COL21A1: variants seen among roughly 807,000 people sequenced by gnomAD.
COL21A1 encodes collagen type XXI alpha 1 chain, also known as collagen alpha-1(XXI) chain.
In COL21A1, 149 loss-of-function variants were observed where a neutral mutation model predicts 137.9. The observed-to-expected ratio is 1.08, with a 90% CI of 0.95 to 1.24. The LOEUF (loss-of-function observed/expected upper bound fraction) is 1.24, where lower values mean the gene tolerates loss of function less well. Among genes scored for constraint, COL21A1 ranks in the 50% most tolerant of loss-of-function variants. The probability of loss-of-function intolerance (pLI) is 0.00; values close to 1 mark genes in which losing one functional copy is unlikely to be tolerated. For synonymous variants in COL21A1, 456 were observed against 391.5 expected (o/e 1.16, Z -1.95); for missense variants, 1,167 against 1,158.4 (o/e 1.01, Z -0.11).
chr6:56,205,659 G>A (rs1162384135), intron 1 of COL21A1, among the ~76,000 whole-genome samples: 1 of 152,120 alleles, frequency 6.6e-6, no homozygotes, highest in African/African-American at 2.4e-5. Flanking sequence ...TCCTTGAGAA[G>A]AGAAACCCCA....
chr6:56,145,832 C>T (rs1467944878), intron 10 of COL21A1, among the ~76,000 whole-genome samples: 1 of 151,248 alleles, frequency 6.6e-6, no homozygotes, highest in Non-Finnish European at 1.5e-5. Context: ...TCCATGTTCA[C>T]AGAAAACTTC....
intron 1 of COL21A1, among the ~76,000 whole-genome samples, chr6:56,244,769 C>T (rs1028382393): frequency 1.3e-5 from 2 of 152,124 alleles, no homozygotes; most frequent in African/African-American, 4.8e-5. Context: ...ATACACTATT[C>T]AACTTATCGC....
intron 1 of COL21A1, among the ~76,000 whole-genome samples, chr6:56,359,303 C>A (rs1765911098): frequency 6.6e-6 from 1 of 152,156 alleles, no homozygotes; most frequent in African/African-American, 2.4e-5. Context: ...TCACTGGGCC[C>A]CGTGGGCTCT....
At chr6:56,066,570 G>A (rs1766268547) in intron 23 of COL21A1, among the ~76,000 whole-genome samples, 2 of 151,872 alleles carry the variant, frequency 1.3e-5, no homozygotes, top group African/African-American at 4.8e-5. Context: ...GGTTGGAAAA[G>A]TTTTATATTT....
At chr6:56,325,935 A>T (rs1247668356) in intron 1 of COL21A1, among the ~76,000 whole-genome samples, 1 of 26,946 alleles carries the variant, frequency 3.7e-5, no homozygotes, top group East Asian at 6.7e-4. Flanking sequence ...TATATATAAT[A>T]TATATTATAT....
At chr6:56,175,847 A>T (rs886669949) in intron 3 of COL21A1, among the ~76,000 whole-genome samples, 1 of 152,178 alleles carries the variant, frequency 6.6e-6, no homozygotes, top group Non-Finnish European at 1.5e-5. Context: ...ACAAAAACTA[A>T]GCTGGAGGCC....
intron 1 of COL21A1, among the ~76,000 whole-genome samples, chr6:56,294,496 A>G (rs1414757895): frequency 6.6e-6 from 1 of 152,076 alleles, no homozygotes; most frequent in Non-Finnish European, 1.5e-5. Context: ...CTTTGCCCAT[A>G]TACACACATA....
At chr6:56,109,144 T>C (rs951058282) in intron 16 of COL21A1, among the ~76,000 whole-genome samples, 4 of 151,474 alleles carry the variant, frequency 2.6e-5, no homozygotes, top group African/African-American at 4.8e-5. Context: ...ATGAATTCAA[T>C]TCTCAATTGC....
At chr6:56,374,720 C>CAAAAAAAAA in intron 1 of COL21A1, among the ~76,000 whole-genome samples, 1 of 86,396 alleles carries the variant, frequency 1.2e-5, no homozygotes, top group Non-Finnish European at 2.3e-5. Flanking sequence ...GACTTCGTCT[C>CAAAAAAAAA]AAAAAAAAAA....
intron 12 of COL21A1, 27 bp downstream of exon 12, chr6:56,141,758 A>G: frequency 6.2e-7 from 1 of 1,610,902 alleles, no homozygotes; most frequent in Non-Finnish European, 8.5e-7. Context: ...GACTAACACC[A>G]TTGATTGCAT....
In COL21A1 at chr6:56,097,945, A is replaced by G. The variant is rs189407932; in HGVS notation, c.1812+3527T>C. Reference sequence around the variant, plus strand: ...AATATATAAATATATAAAAATATATATAAATATAAAAATATATATAAATAT... The same window carrying G: ...AATATATAAATATATAAAAATATATGTAAATATAAAAATATATATAAATAT... On this transcript the variant is annotated intron_variant, in intron 17 of 29. Transcript: ENST00000244728. Among the ~76,000 whole-genome samples, 494 of 92,370 alleles carry G rather than the reference A, an allele frequency of 5.3e-3. 39 individuals are homozygous for G. The highest frequency in any genetic ancestry group is 0.014 in the Middle Eastern group (2 of 138). The allele number at this position is 92,370 out of a possible 152,430, so 60.6% of individuals were successfully genotyped here. A position where few individuals can be genotyped will look rare whatever the true frequency, so the allele number is the denominator to read the frequency against.
intron 16 of COL21A1, among the ~76,000 whole-genome samples, chr6:56,123,747 C>T (rs1234144403): frequency 6.6e-6 from 1 of 152,216 alleles, no homozygotes; most frequent in Non-Finnish European, 1.5e-5. Flanking sequence ...TCCCAGCCCA[C>T]TGAAACCTCA....
intron 17 of COL21A1, among the ~76,000 whole-genome samples, chr6:56,085,643 T>A (rs1768172903): frequency 6.6e-6 from 1 of 151,994 alleles, no homozygotes; most frequent in Non-Finnish European, 1.5e-5. Context: ...TTGATCTACT[T>A]GTTTCAAAGT....
At chr6:56,210,462 C>A (rs62411867) in intron 1 of COL21A1, among the ~76,000 whole-genome samples, 2,093 of 152,024 alleles carry the variant, frequency 0.014, 24 homozygotes, top group Middle Eastern at 0.034. Flanking sequence ...TAACAGTATT[C>A]AAAATTCATG....
intron 25 of COL21A1, chr6:56,061,292 G>C (rs373137800): frequency 6.1e-6 from 3 of 495,574 alleles, no homozygotes; most frequent in Admixed American, 3.8e-5. Context: ...TAGGTAATAC[G>C]CATACTGCCA....
intron 5 of COL21A1, among the ~76,000 whole-genome samples, chr6:56,169,015 T>C (rs1375932559): frequency 1.3e-5 from 2 of 152,012 alleles, no homozygotes; most frequent in Admixed American, 1.3e-4. Context: ...CCCCAGAGTT[T>C]TCTTCTTGAC....
At chr6:56,116,956 A>T (rs1771990833) in intron 16 of COL21A1, among the ~76,000 whole-genome samples, 1 of 152,064 alleles carries the variant, frequency 6.6e-6, no homozygotes, top group Admixed American at 6.6e-5. Flanking sequence ...ATACACAAAA[A>T]ATAAAAAGCA....
At chr6:56,188,777 G>A (rs921763132) in intron 1 of COL21A1, among the ~76,000 whole-genome samples, 2 of 152,190 alleles carry the variant, frequency 1.3e-5, no homozygotes, top group Non-Finnish European at 2.9e-5. Context: ...TCCCTGGAAA[G>A]GGGAAAGAAC....
rs560645408 is a variant in COL21A1 at position 56,229,760 on chromosome 6, A to T, written c.-39+17627T>A. On this transcript the variant is annotated intron_variant, in intron 1 of 29. Transcript: ENST00000244728. ...CAGAAATATATGTTAATTTCCACTCAGCTCGTTGGCCATGAGTATCATGGG... is the reference window on the plus strand; with the variant it reads ...CAGAAATATATGTTAATTTCCACTCTGCTCGTTGGCCATGAGTATCATGGG... 1.2e-4 allele frequency among the ~76,000 whole-genome samples: 18 copies of T among 152,014 alleles called. No homozygotes were observed. The South Asian group carries it at 3.5e-3, about 30-fold the overall frequency.
Sources: allele counts gnomAD v4.1 joint callset (sites outside exome capture counted in the v4.1 genomes callset), GRCh38; gene constraint gnomAD v4.1.1; transcripts MANE v1.5; gene names NCBI Gene and HGNC (gene_info 2026-07-23, HGNC 2026-07-21).